Variants in CNTRL observed in about 807,000 individuals in gnomAD.
CNTRL encodes the protein centriolin.
CNTRL carries 233 observed loss-of-function variants against 303.7 expected under a neutral mutation model. That is an observed-to-expected ratio of 0.77 (90% CI 0.69 to 0.86). CNTRL has a LOEUF of 0.86. Ranked by LOEUF, CNTRL falls within the 40% of genes least tolerant of loss-of-function variation. The pLI is 0.00. For missense variants in CNTRL, 2,524 were observed against 2,650.6 expected (o/e 0.95, Z 1.05); for synonymous variants, 900 against 922.2 (o/e 0.98, Z 0.44).
chr9:121,113,554 G>C lies in CNTRL; in HGVS notation c.1175G>C (p.Arg392Thr), dbSNP rs746492829. 1 of 1,606,796 alleles carries C rather than the reference G, an allele frequency of 6.2e-7. No individual in the cohort carries two copies. Among genetic ancestry groups the C allele is most frequent in the Non-Finnish European group, 8.5e-7 (1 of 1,177,984 alleles). The change falls in exon 10 of 44, where the codon AGA becomes ACA. Residue 392 changes from arginine to threonine, a missense_variant. Coordinates refer to ENST00000373855, the MANE Select transcript of CNTRL (RefSeq NM_007018.6). ...GAAAGCCCTTACATTGGCAAATCCA[G>C]ATACAAGAGAAATATGTTTGCCACA... ...PDESPYIGKS[R>T]YKRNMFATES...
Position 121,115,029 on chromosome 9 carries a change from A to C in CNTRL, c.1346-62A>C, listed in dbSNP as rs534266364. 9 of 1,019,428 alleles carry C rather than the reference A, an allele frequency of 8.8e-6. No individual in the cohort carries two copies. The South Asian group carries it at 1.4e-4, about 16-fold the overall frequency. 63.1% of individuals were successfully genotyped at this position (1,019,428 alleles called of 1,614,324 possible). ...TTACAAAGAAAGAATACCTGGTTGA[A>C]ATTTCAGAATTCAAGATTTTTCTTG... On this transcript the variant is annotated intron_variant, in intron 10 of 43. Coordinates refer to ENST00000373855, the MANE Select transcript of CNTRL (RefSeq NM_007018.6).
intron 1 of CNTRL, among the ~76,000 whole-genome samples, chr9:121,076,024 C>G (rs552577932): frequency 6.6e-6 from 1 of 152,298 alleles, no homozygotes; most frequent in South Asian, 2.1e-4. Flanking sequence ...TTGGTATTGT[C>G]TAAGTGTTTA....
chr9:121,177,146 C>CT lies in CNTRL; in HGVS notation c.6955-13dup, dbSNP rs766742252. The CT allele has an allele frequency of 1.2e-6, 2 of 1,606,246 alleles. No homozygotes were observed. The highest frequency in any genetic ancestry group is 8.5e-7 in the Non-Finnish European group (1 of 1,173,842). On this transcript the variant is annotated splice_polypyrimidine_tract_variant and intron_variant, in intron 43 of 43. Coordinates refer to ENST00000373855, the MANE Select transcript of CNTRL (RefSeq NM_007018.6). ...GTTTCAAGAATTTGATTTATCCTTCCTTTTGTCTTACTGTAGGAAAAGAAT... is the reference window on the plus strand; with the variant it reads ...GTTTCAAGAATTTGATTTATCCTTCCTTTTTGTCTTACTGTAGGAAAAGAAT...
Position 121,088,537 on chromosome 9 carries a change from C to G in CNTRL, c.211C>G (p.His71Asp), listed in dbSNP as rs2048435736. ...ENNMLLDYQD[H>D]KGADSHAGVR... ...CAATATGCTTTTGGACTATCAAGAC[C>G]ATAAAGGTATCACTTTTTAATCTAA... Residue 71 changes from histidine (H) to aspartate (D), a missense_variant, in exon 3 of 44, where the codon CAT (histidine) becomes GAT (aspartate). By Grantham distance (81) the His-to-Asp change is moderately conservative. Coordinates refer to ENST00000373855, the MANE Select transcript of CNTRL (RefSeq NM_007018.6). The G allele has an allele frequency of 6.3e-7, 1 of 1,592,880 alleles. No individual in the cohort carries two copies. The highest frequency in any genetic ancestry group is 8.6e-7 in the Non-Finnish European group (1 of 1,161,896).
chr9:121,104,790 C>G (rs1422547594), intron 7 of CNTRL, among the ~76,000 whole-genome samples: 3 of 151,074 alleles, frequency 2.0e-5, no homozygotes, highest in African/African-American at 7.3e-5. Context: ...CAATCTCCGC[C>G]TCCCAGGTTC....
intron 38 of CNTRL, among the ~76,000 whole-genome samples, 164 bp downstream of exon 38, chr9:121,168,485 G>T (rs2053180516): frequency 6.6e-6 from 1 of 152,176 alleles, no homozygotes; most frequent in African/African-American, 2.4e-5. Context: ...TGAGGAAGCA[G>T]GTTCAGAGGA....
At chr9:121,113,268 C>T (rs1418962008) in intron 9 of CNTRL, among the ~76,000 whole-genome samples, 1 of 152,162 alleles carries the variant, frequency 6.6e-6, no homozygotes, top group Admixed American at 6.5e-5. Flanking sequence ...CAAACTTTCA[C>T]TCTTCTGTGG....
At chr9:121,108,509 T>A (rs77973340) in intron 8 of CNTRL, among the ~76,000 whole-genome samples, 18,227 of 152,246 alleles carry the variant, frequency 0.12, 1,273 homozygotes, top group East Asian at 0.18. Flanking sequence ...GTTATTGATA[T>A]GTTTGTGCTG....
intron 12 of CNTRL, among the ~76,000 whole-genome samples, chr9:121,123,110 T>TAAAAG (rs1338362568): frequency 1.3e-5 from 2 of 152,224 alleles, no homozygotes; most frequent in Non-Finnish European, 2.9e-5. Flanking sequence ...TAAAAAGGCA[T>TAAAAG]TACTTATCTA....
At chr9:121,133,938 T>C (rs1157857832) in intron 14 of CNTRL, among the ~76,000 whole-genome samples, 3 of 152,194 alleles carry the variant, frequency 2.0e-5, no homozygotes, top group Admixed American at 1.3e-4. Flanking sequence ...AGAATAATTA[T>C]CAAATTTAGG....
rs557144833 is a variant in CNTRL, at chr9:121,150,252, C to T, written c.3732C>T (p.Tyr1244=). ...EEPPFVPPPG[Y]MMYTVLPDGS... ...CCCCATTTGTGCCTCCTCCTGGATACATGATGTATACTGTGCTTCCTGATG... is the reference window on the plus strand; with the variant it reads ...CCCCATTTGTGCCTCCTCCTGGATATATGATGTATACTGTGCTTCCTGATG... Residue 1244 remains tyrosine, a synonymous_variant, in exon 25 of 44, where the codon TAC becomes TAT. Coordinates refer to ENST00000373855, the MANE Select transcript of CNTRL (RefSeq NM_007018.6). 6.2e-7 allele frequency: 1 copy of T among 1,614,174 alleles called. No individual in the cohort carries two copies. Among genetic ancestry groups the T allele is most frequent in the South Asian group, 1.1e-5 (1 of 91,082 alleles).
intron 42 of CNTRL, among the ~76,000 whole-genome samples, 169 bp from the exon 43 acceptor site, chr9:121,174,849 C>T (rs763919801): frequency 8.5e-5 from 13 of 152,126 alleles, no homozygotes; most frequent in Non-Finnish European, 1.6e-4. Context: ...GGTTTATGCA[C>T]ACTAAGTATC....
In CNTRL at chr9:121,133,148, C is replaced by G. The variant is rs539089345; in HGVS notation, c.2026-2658C>G. 9.2e-5 allele frequency among the ~76,000 whole-genome samples: 14 copies of G among 152,344 alleles called. No homozygotes were observed. In the South Asian group the frequency reaches 1.4e-3, roughly 16 times the overall value. ...CCGTTCTCTGAGCTCAAACACTGTG[C>G]TGGGAGAACCACTGCTCTCTTCAGA... On this transcript the variant is annotated intron_variant, in intron 14 of 43. Coordinates refer to ENST00000373855, the MANE Select transcript of CNTRL (RefSeq NM_007018.6).
intron 42 of CNTRL, among the ~76,000 whole-genome samples, chr9:121,174,055 T>C (rs748535323): frequency 2.0e-5 from 3 of 152,202 alleles, no homozygotes; most frequent in Non-Finnish European, 2.9e-5. Flanking sequence ...AAGGTTATCA[T>C]AGGCCAGTGG....
At chr9:121,083,873 C>T (rs7855906) in intron 2 of CNTRL, among the ~76,000 whole-genome samples, 3 of 152,248 alleles carry the variant, frequency 2.0e-5, no homozygotes, top group African/African-American at 2.4e-5. Flanking sequence ...TATAATCTTA[C>T]GGGACCACTG....
Position 121,168,125 on chromosome 9 carries a change from A to T in CNTRL, c.5874A>T (p.Glu1958Asp). Residue 1958 changes from glutamate to aspartate, a missense_variant, in exon 38 of 44, where the codon GAA becomes GAT. By Grantham distance (45) the Glu-to-Asp change is conservative (BLOSUM62 2). Transcript: ENST00000373855. ...MMFQRLQKER[E>D]SEESKLETSK... Reference sequence around the variant, plus strand: ...TTCAGAGACTCCAGAAAGAGAGAGAAAGTGAAGAAAGCAAATTAGAAACCA... The same window carrying T: ...TTCAGAGACTCCAGAAAGAGAGAGATAGTGAAGAAAGCAAATTAGAAACCA... 1 of 1,613,486 alleles carries T rather than the reference A, an allele frequency of 6.2e-7. No homozygotes were observed. Among genetic ancestry groups the T allele is most frequent in the South Asian group, 1.1e-5 (1 of 91,084 alleles).
intron 14 of CNTRL, 136 bp from the exon 15 acceptor site, chr9:121,135,670 G>T: frequency 1.5e-6 from 1 of 679,644 alleles, no homozygotes; most frequent in South Asian, 2.7e-5. Context: ...TCGTCATATT[G>T]CTACTGAAAA....
intron 14 of CNTRL, among the ~76,000 whole-genome samples, chr9:121,129,371 T>G (rs2133663561): frequency 6.6e-6 from 1 of 152,314 alleles, no homozygotes; most frequent in South Asian, 2.1e-4. Flanking sequence ...GTAAGTTGGA[T>G]TCCTAGGTAT....
intron 12 of CNTRL, chr9:121,122,390 A>G (rs2050279721): frequency 1.0e-6 from 1 of 985,072 alleles, no homozygotes; most frequent in East Asian, 1.1e-4. Context: ...TCTTTTGTTC[A>G]TCAGAAATGA....
Sources: gnomAD v4.1 joint callset for allele counts (sites outside exome capture counted in the v4.1 genomes callset) on GRCh38, gnomAD v4.1.1 for gene constraint, MANE v1.5 for transcripts, NCBI Gene and HGNC (gene_info 2026-07-23, HGNC 2026-07-21) for gene names.